CSMD1: variants seen among roughly 807,000 people sequenced by gnomAD.
CSMD1 encodes CUB and Sushi multiple domains 1.
In CSMD1, 213 loss-of-function variants were observed where a neutral mutation model predicts 417.5. The observed-to-expected ratio is 0.51, with a 90% CI of 0.46 to 0.57. CSMD1 has a LOEUF of 0.57. Ranked by LOEUF, CSMD1 falls within the 20% of genes least tolerant of loss-of-function variation. CSMD1 has a pLI of 0.00. For missense variants in CSMD1, 6,923 were observed against 4,529.7 expected (o/e 1.53, Z -15.17); for synonymous variants, 2,862 against 1,736.8 (o/e 1.65, Z -16.11).
chr8:3,263,640 A>G (rs1338595194), intron 26 of CSMD1, among the ~76,000 whole-genome samples: 1 of 151,788 alleles, frequency 6.6e-6, no homozygotes, highest in Non-Finnish European at 1.5e-5. Flanking sequence ...TTGATAACAT[A>G]TAGTTACCCA....
chr8:4,965,443 G>C (rs1242439761), intron 1 of CSMD1, among the ~76,000 whole-genome samples: 2 of 152,204 alleles, frequency 1.3e-5, no homozygotes, highest in Non-Finnish European at 2.9e-5. Context: ...TAGATGAGTT[G>C]TCTCAGTGAT....
intron 4 of CSMD1, among the ~76,000 whole-genome samples, chr8:4,026,924 CAACA>C (rs61192854): frequency 1.1e-4 from 17 of 151,968 alleles, no homozygotes; most frequent in African/African-American, 2.2e-4. Context: ...ACCAACCAAA[CAACA>C]AACAAACAAA....
intron 3 of CSMD1, among the ~76,000 whole-genome samples, chr8:4,099,462 A>G (rs1264810698): frequency 6.6e-6 from 1 of 152,098 alleles, no homozygotes; most frequent in Admixed American, 6.6e-5. Flanking sequence ...CTAAGCCTCC[A>G]ACAATCATCT....
chr8:4,552,137 C>A (rs1020856618), intron 2 of CSMD1, among the ~76,000 whole-genome samples: 6 of 152,188 alleles, frequency 3.9e-5, no homozygotes, highest in Non-Finnish European at 1.5e-5. Context: ...GGCACAAAAT[C>A]TAACATGCAT....
intron 3 of CSMD1, among the ~76,000 whole-genome samples, chr8:4,154,139 G>A (rs1156937673): frequency 6.6e-6 from 1 of 152,168 alleles, no homozygotes; most frequent in Non-Finnish European, 1.5e-5. Flanking sequence ...ACAGCTGAGG[G>A]TGAGATATAC....
chr8:3,204,695 G>A (rs1245582746), intron 31 of CSMD1, among the ~76,000 whole-genome samples: 1 of 152,094 alleles, frequency 6.6e-6, no homozygotes, highest in Non-Finnish European at 1.5e-5. Context: ...TCTCAAATAC[G>A]TCTAACATTA....
At chr8:4,173,145 T>A (rs1797859123) in intron 3 of CSMD1, among the ~76,000 whole-genome samples, 1 of 152,188 alleles carries the variant, frequency 6.6e-6, no homozygotes, top group African/African-American at 2.4e-5. Flanking sequence ...AGTATAGGGT[T>A]GCTAGATTGA....
chr8:3,665,455 G>A lies in CSMD1; in HGVS notation c.1009+42959C>T, dbSNP rs188377062. Among the ~76,000 whole-genome samples, 30 of 152,210 alleles carry A rather than the reference G, an allele frequency of 2.0e-4. No homozygotes were observed. The East Asian group carries it at 5.4e-3, about 28-fold the overall frequency. On this transcript the variant is annotated intron_variant, in intron 7 of 69. Transcript: ENST00000635120. The stretch of plus-strand genomic sequence containing the variant: ...GAGGCACAAGAATTGCTTGAACCCG[G>A]GAGACGGAGGTTGCAGTGAGCCAAG...
At chr8:4,039,954 T>C (rs552833300) in intron 3 of CSMD1, among the ~76,000 whole-genome samples, 27 of 152,192 alleles carry the variant, frequency 1.8e-4, no homozygotes, top group Admixed American at 7.9e-4. Context: ...TTATAGAGAA[T>C]TGTAAAAAGA....
intron 12 of CSMD1, among the ~76,000 whole-genome samples, chr8:3,448,859 T>C (rs551007046): frequency 3.3e-5 from 5 of 152,312 alleles, no homozygotes; most frequent in African/African-American, 1.2e-4. Context: ...TCCACTAATT[T>C]TGGAAAACTT....
intron 5 of CSMD1, among the ~76,000 whole-genome samples, chr8:3,841,008 G>C (rs956450170): frequency 1.3e-5 from 2 of 151,978 alleles, no homozygotes; most frequent in Non-Finnish European, 2.9e-5. Flanking sequence ...CAGCTGTCCG[G>C]TGATCTCAAT....
chr8:3,828,458 A>C (rs1175031634), intron 5 of CSMD1, among the ~76,000 whole-genome samples: 2 of 152,098 alleles, frequency 1.3e-5, no homozygotes, highest in African/African-American at 4.8e-5. Flanking sequence ...ATATATAAAA[A>C]CCCATGTGAA....
At chr8:4,751,253 C>A (rs1418388057) in intron 1 of CSMD1, among the ~76,000 whole-genome samples, 1 of 152,106 alleles carries the variant, frequency 6.6e-6, no homozygotes, top group Non-Finnish European at 1.5e-5. Flanking sequence ...GACATTGTGG[C>A]ACGCACCTGC....
intron 27 of CSMD1, among the ~76,000 whole-genome samples, chr8:3,225,210 T>C (rs1798428773): frequency 1.4e-5 from 2 of 139,226 alleles, no homozygotes; most frequent in Admixed American, 7.3e-5. Flanking sequence ...TAGCTTTTTA[T>C]AGGAAGAAAT....
At chr8:3,650,410 G>A (rs1301079301) in intron 7 of CSMD1, among the ~76,000 whole-genome samples, 1 of 152,126 alleles carries the variant, frequency 6.6e-6, no homozygotes, top group East Asian at 1.9e-4. Flanking sequence ...ATGGCAAAAA[G>A]TCATACATAC....
At chr8:4,895,887 G>T (rs983180670) in intron 1 of CSMD1, among the ~76,000 whole-genome samples, 2 of 151,890 alleles carry the variant, frequency 1.3e-5, no homozygotes, top group African/African-American at 4.8e-5. Context: ...TACTTCCCCT[G>T]TTGTAAATAC....
At chr8:4,102,082 C>G (rs1212307571) in intron 3 of CSMD1, among the ~76,000 whole-genome samples, 1 of 152,168 alleles carries the variant, frequency 6.6e-6, no homozygotes, top group Non-Finnish European at 1.5e-5. Flanking sequence ...CTGCGCTGCA[C>G]TAATTTCTGA....
At chr8:4,533,086 G>C (rs1054204951) in intron 2 of CSMD1, among the ~76,000 whole-genome samples, 2 of 152,142 alleles carry the variant, frequency 1.3e-5, no homozygotes, top group East Asian at 1.9e-4. Context: ...AGATTTTTTG[G>C]TTCTAGATAC....
At chr8:4,638,687 TCTCACGTTTTACTCAGCC>T (rs776977909) in intron 1 of CSMD1, among the ~76,000 whole-genome samples, 1 of 152,166 alleles carries the variant, frequency 6.6e-6, no homozygotes, top group Non-Finnish European at 1.5e-5. Flanking sequence ...CAGCAGGACA[TCTCACGTTTTACTCAGCC>T]CTCCCTTAAG....
Sources: allele counts gnomAD v4.1 joint callset (sites outside exome capture counted in the v4.1 genomes callset), GRCh38; gene constraint gnomAD v4.1.1; transcripts MANE v1.5; gene names NCBI Gene and HGNC (gene_info 2026-07-23, HGNC 2026-07-21).